Variants in TNPO3 observed in about 807,000 individuals in gnomAD.
The protein encoded by TNPO3 is transportin 3.
In TNPO3, 65 loss-of-function variants were observed where a neutral mutation model predicts 122.8. The observed-to-expected ratio is 0.53, with a 90% confidence interval of 0.43 to 0.65. TNPO3 has a LOEUF of 0.65. TNPO3 is among the 30% of genes least tolerant of loss of function. The pLI is 0.00. For missense variants in TNPO3, 850 were observed against 1,136.7 expected (o/e 0.75, Z 3.63); for synonymous variants, 372 against 411.2 (o/e 0.90, Z 1.15).
chr7:129,016,894 G>A, intron 3 of TNPO3, 89 bp downstream of exon 3: 1 of 1,095,246 alleles, frequency 9.1e-7, no homozygotes, highest in South Asian at 1.3e-5. Flanking sequence ...CAGGGAAATA[G>A]TCAAATATCT....
At chr7:128,999,102 C>T (rs927975858) in intron 7 of TNPO3, among the ~76,000 whole-genome samples, 20 of 152,078 alleles carry the variant, frequency 1.3e-4, no homozygotes, top group Non-Finnish European at 5.9e-5. Context: ...CTGCCCACCT[C>T]GGCCTCCCAA....
chr7:128,988,035 G>A (rs952022240), intron 11 of TNPO3, among the ~76,000 whole-genome samples: 2 of 151,782 alleles, frequency 1.3e-5, no homozygotes, highest in Non-Finnish European at 2.9e-5. Context: ...GTGTAGTGGC[G>A]CAATCTCGGC....
Position 129,015,141 on chromosome 7 carries a change from A to G in TNPO3, c.396-6T>C. On this transcript the variant is annotated splice_region_variant and splice_polypyrimidine_tract_variant and intron_variant, in intron 3 of 22. Transcript: ENST00000265388. Reference sequence around the variant, plus strand: ...AAGTCACATCATTGCTGTATCTGCAAAAGAAAAAAGTGGAGATATGTTATT... The same window carrying G: ...AAGTCACATCATTGCTGTATCTGCAGAAGAAAAAAGTGGAGATATGTTATT... 6.2e-7 allele frequency: 1 copy of G among 1,605,680 alleles called. No individual in the cohort carries two copies. Among genetic ancestry groups the G allele is most frequent in the Non-Finnish European group, 8.5e-7 (1 of 1,178,296 alleles).
At chr7:129,051,944 C>T (rs1368210405) in intron 1 of TNPO3, among the ~76,000 whole-genome samples, 1 of 152,190 alleles carries the variant, frequency 6.6e-6, no homozygotes. Flanking sequence ...GCACGCCCAG[C>T]CTGGGTGGTG....
At chr7:128,969,926 AC>A (rs1388649523) in intron 20 of TNPO3, among the ~76,000 whole-genome samples, 7 of 152,182 alleles carry the variant, frequency 4.6e-5, no homozygotes, top group African/African-American at 1.7e-4. Flanking sequence ...CTGGTAATAT[AC>A]CCCCTATGAC....
intron 10 of TNPO3, 146 bp downstream of exon 10, chr7:128,991,853 C>CT (rs1800777178): frequency 9.1e-6 from 4 of 439,224 alleles, no homozygotes; most frequent in Middle Eastern, 3.2e-4. Context: ...GGACTAGACT[C>CT]TAGAAGTCAG....
chr7:128,957,371 A>G lies in TNPO3; in HGVS notation c.2712-56T>C. 4.4e-6 allele frequency: 7 copies of G among 1,574,554 alleles called. No homozygotes were observed. The Middle Eastern group carries it at 6.7e-4, about 150-fold the overall frequency. On this transcript the variant is annotated intron_variant, in intron 21 of 22. Coordinates refer to ENST00000265388, the MANE Select transcript of TNPO3 (RefSeq NM_012470.4). ...CTGAGGAGAAAGACAGAATATGCTGAAAAACAACTGCAACATTGGGGCACA... is the reference window on the plus strand; with the variant it reads ...CTGAGGAGAAAGACAGAATATGCTGGAAAACAACTGCAACATTGGGGCACA...
At chr7:128,977,743 C>T (rs1327047613) in intron 16 of TNPO3, among the ~76,000 whole-genome samples, 2 of 152,072 alleles carry the variant, frequency 1.3e-5, no homozygotes, top group African/African-American at 4.8e-5. Context: ...ACTACAGGCG[C>T]CTGCCACTGC....
Position 128,999,797 on chromosome 7 carries a change from G to A in TNPO3, c.1011+632C>T, listed in dbSNP as rs138629016. ...CTGACTAATTTTTATATTTTTAGTG[G>A]AGACAGGGTTTCACCATGTTGGCCA... On this transcript the variant is annotated intron_variant, in intron 7 of 22. Transcript: ENST00000265388. Among the ~76,000 whole-genome samples, 238 of 152,102 alleles carry A rather than the reference G, an allele frequency of 1.6e-3. 3 individuals carry two copies. In the East Asian group the frequency reaches 0.041, roughly 26 times the overall value.
At chr7:128,976,019 G>T in intron 16 of TNPO3, 84 bp from the exon 17 acceptor site, 1 of 928,438 alleles carries the variant, frequency 1.1e-6, no homozygotes, top group Non-Finnish European at 1.8e-6. Context: ...AAGAAATTCA[G>T]AGATAGATTG....
At chr7:128,974,624 C>T (rs1798868883) in intron 18 of TNPO3, among the ~76,000 whole-genome samples, 1 of 150,408 alleles carries the variant, frequency 6.6e-6, no homozygotes, top group Non-Finnish European at 1.5e-5. Context: ...AGGCACACTG[C>T]ATTGTCTTGT....
chr7:128,958,406 G>A (rs1387458684), intron 21 of TNPO3, among the ~76,000 whole-genome samples: 4 of 152,162 alleles, frequency 2.6e-5, no homozygotes, highest in East Asian at 1.9e-4. Flanking sequence ...GCCTCACAAA[G>A]TGCTGGGATT....
intron 1 of TNPO3, 85 bp from the exon 2 acceptor site, chr7:129,018,242 T>C: frequency 1.5e-6 from 2 of 1,356,284 alleles, no homozygotes; most frequent in Non-Finnish European, 2.0e-6. Flanking sequence ...TATAAACATA[T>C]TTAGCCCAAA....
intron 1 of TNPO3, among the ~76,000 whole-genome samples, chr7:129,020,380 C>G (rs1804344304): frequency 6.6e-6 from 1 of 152,148 alleles, no homozygotes; most frequent in East Asian, 1.9e-4. Context: ...TAACCAGTAA[C>G]CCAAGCACAC....
intron 1 of TNPO3, among the ~76,000 whole-genome samples, chr7:129,053,405 G>A (rs539348765): frequency 1.6e-3 from 243 of 148,808 alleles, no homozygotes; most frequent in Non-Finnish European, 2.2e-3. Flanking sequence ...TGAGGCAGGA[G>A]AATCTCTTGA....
chr7:129,036,204 C>T (rs982810815), intron 1 of TNPO3, among the ~76,000 whole-genome samples: 5 of 152,046 alleles, frequency 3.3e-5, no homozygotes, highest in Non-Finnish European at 7.4e-5. Context: ...CCGCCCACCT[C>T]GGCCTCCCAA....
intron 21 of TNPO3, among the ~76,000 whole-genome samples, chr7:128,961,050 C>T (rs996473403): frequency 5.9e-5 from 9 of 152,058 alleles, no homozygotes; most frequent in Non-Finnish European, 1.0e-4. Flanking sequence ...CATGAGCCAC[C>T]GCGCCTGGCC....
chr7:129,025,347 T>A (rs1261212545), intron 1 of TNPO3, among the ~76,000 whole-genome samples: 3 of 47,246 alleles, frequency 6.3e-5, no homozygotes, highest in African/African-American at 9.3e-5. Context: ...TGAAACTCTG[T>A]CACAAAAAAA....
At chr7:128,980,066 AG>A in intron 14 of TNPO3, 35 bp from the exon 15 acceptor site, 2 of 1,597,330 alleles carry the variant, frequency 1.3e-6, no homozygotes, top group Non-Finnish European at 8.6e-7. Flanking sequence ...TAGTGAACAA[AG>A]ACCAATTTCA....
Sources: allele counts gnomAD v4.1 joint callset (sites outside exome capture counted in the v4.1 genomes callset), GRCh38; gene constraint gnomAD v4.1.1; transcripts MANE v1.5; gene names NCBI Gene and HGNC (gene_info 2026-07-23, HGNC 2026-07-21).